POU6F2: variants seen among roughly 807,000 people sequenced by gnomAD.
POU6F2 encodes the protein POU class 6 homeobox 2.
POU6F2 carries 31 observed loss-of-function variants against 71.3 expected under a neutral mutation model. The observed-to-expected ratio is 0.43, with a 90% confidence interval of 0.33 to 0.59. The LOEUF (loss-of-function observed/expected upper bound fraction) is 0.59. POU6F2 is among the 20% of genes least tolerant of loss of function. POU6F2 has a pLI of 0.04. For synonymous variants in POU6F2, 347 were observed against 355.7 expected (o/e 0.98, Z 0.27); for missense variants, 783 against 856.8 (o/e 0.91, Z 1.07).
chr7:38,987,830 A>C (rs1788499955), intron 1 of POU6F2, among the ~76,000 whole-genome samples: 1 of 151,760 alleles, frequency 6.6e-6, no homozygotes, highest in African/African-American at 2.4e-5. Context: ...TTTGAATAAA[A>C]GATGGGAGTG....
At chr7:39,230,862 A>G (rs1176027760) in intron 4 of POU6F2, among the ~76,000 whole-genome samples, 1 of 152,272 alleles carries the variant, frequency 6.6e-6, no homozygotes, top group East Asian at 1.9e-4. Flanking sequence ...ATGCATCCCA[A>G]ATAGATTTGT....
intron 1 of POU6F2, chr7:39,006,797 A>C: frequency 6.3e-7 from 1 of 1,586,370 alleles, no homozygotes; most frequent in Non-Finnish European, 8.7e-7. Context: ...TTTGCTGTTT[A>C]CTGTCAAGAT....
At position 39,427,749 on chromosome 7, in the gene POU6F2, C is replaced by T. The variant is rs146199829; in HGVS notation, c.1114-5328C>T. On this transcript the variant is annotated intron_variant, in intron 6 of 9. Coordinates refer to ENST00000518318, the MANE Select transcript of POU6F2 (RefSeq NM_001370959.1). The stretch of plus-strand genomic sequence containing the variant: ...TTACAGCATTGATAGGTCTCCTTTT[C>T]TTACGTATATGGGCAACAAGATTAC... Among the ~76,000 whole-genome samples the T allele has an allele frequency of 1.4e-4, 21 of 152,322 alleles. No homozygotes were observed. In the East Asian group the frequency reaches 3.7e-3, roughly 27 times the overall value.
intron 4 of POU6F2, among the ~76,000 whole-genome samples, chr7:39,257,671 T>G (rs1260892050): frequency 1.3e-5 from 2 of 152,126 alleles, no homozygotes; most frequent in Non-Finnish European, 2.9e-5. Flanking sequence ...AGGCTTAGAA[T>G]GGAGCTTTCA....
chr7:39,372,434 T>C (rs1786633330), intron 5 of POU6F2, among the ~76,000 whole-genome samples: 1 of 152,198 alleles, frequency 6.6e-6, no homozygotes, highest in Admixed American at 6.5e-5. Context: ...TTCCTTATAA[T>C]GGAGGCTCTC....
At position 39,100,168 on chromosome 7, in the gene POU6F2, G is replaced by A. The variant is rs988047993; in HGVS notation, c.277+14137G>A. Among the ~76,000 whole-genome samples, 6 of 152,110 alleles carry A rather than the reference G, an allele frequency of 3.9e-5. No homozygotes were observed. In the South Asian group the frequency reaches 8.3e-4, roughly 21 times the overall value. ...GAATTTTCATAGCCAATGTTTAATT[G>A]GAATTTTCAGATCTTCAACAATGAA... On this transcript the variant is annotated intron_variant, in intron 2 of 9. Transcript: ENST00000518318.
chr7:39,097,896 C>T (rs768438192), intron 2 of POU6F2, among the ~76,000 whole-genome samples: 3 of 152,176 alleles, frequency 2.0e-5, no homozygotes, highest in Admixed American at 6.5e-5. Flanking sequence ...TTTAAGCCTT[C>T]GAAACCATAC....
intron 4 of POU6F2, among the ~76,000 whole-genome samples, chr7:39,339,250 A>G (rs1785856390): frequency 1.3e-5 from 2 of 152,196 alleles, no homozygotes; most frequent in Admixed American, 1.3e-4. Flanking sequence ...ACACTTACCA[A>G]AACAACTAAA....
chr7:39,039,501 C>A (rs930660877), intron 1 of POU6F2, among the ~76,000 whole-genome samples: 2 of 151,628 alleles, frequency 1.3e-5, no homozygotes, highest in African/African-American at 2.4e-5. Flanking sequence ...ATATTTTTTT[C>A]TTTACTCTCT....
intron 5 of POU6F2, chr7:39,373,774 A>C: frequency 3.2e-6 from 1 of 308,992 alleles, no homozygotes; most frequent in Non-Finnish European, 6.4e-6. Context: ...AGGTGTTGAG[A>C]GAGCAAAGGT....
chr7:39,337,527 A>G (rs574048740), intron 4 of POU6F2, among the ~76,000 whole-genome samples: 1 of 152,082 alleles, frequency 6.6e-6, no homozygotes, highest in Admixed American at 6.5e-5. Context: ...TAGTTCAAAT[A>G]TTAATACATC....
intron 2 of POU6F2, among the ~76,000 whole-genome samples, chr7:39,171,912 G>A: frequency 6.6e-6 from 1 of 152,182 alleles, no homozygotes; most frequent in East Asian, 1.9e-4. Context: ...TAAGGAGTAG[G>A]GCCATCAGGC....
chr7:39,169,081 G>C (rs1793167361), intron 2 of POU6F2, among the ~76,000 whole-genome samples: 1 of 152,178 alleles, frequency 6.6e-6, no homozygotes, highest in African/African-American at 2.4e-5. Flanking sequence ...TGTACATTTT[G>C]ATAGTATTCT....
At chr7:39,240,946 C>G (rs1009462664) in intron 4 of POU6F2, among the ~76,000 whole-genome samples, 21 of 152,200 alleles carry the variant, frequency 1.4e-4, no homozygotes, top group African/African-American at 5.1e-4. Flanking sequence ...ATTGGCTCAA[C>G]AGTGTCACTA....
chr7:39,231,365 GATA>G (rs1794570784), intron 4 of POU6F2, among the ~76,000 whole-genome samples: 1 of 152,080 alleles, frequency 6.6e-6, no homozygotes, highest in Non-Finnish European at 1.5e-5. Flanking sequence ...AAACAGCAAT[GATA>G]ATAGGTAGCA....
intron 2 of POU6F2, among the ~76,000 whole-genome samples, chr7:39,127,510 A>G (rs1240538396): frequency 6.6e-6 from 1 of 152,216 alleles, no homozygotes; most frequent in African/African-American, 2.4e-5. Flanking sequence ...CTGACATCCT[A>G]CTGGGGGAGA....
intron 4 of POU6F2, among the ~76,000 whole-genome samples, chr7:39,224,089 C>CT (rs1453066198): frequency 6.6e-6 from 1 of 152,132 alleles, no homozygotes; most frequent in African/African-American, 2.4e-5. Flanking sequence ...GCCCCATACT[C>CT]TAGCCACAAA....
intron 4 of POU6F2, among the ~76,000 whole-genome samples, chr7:39,329,784 T>G (rs1256611924): frequency 6.6e-6 from 1 of 152,176 alleles, no homozygotes; most frequent in East Asian, 1.9e-4. Flanking sequence ...AGCCCTTCTT[T>G]AAATCATTTG....
At chr7:39,385,265 G>A (rs1583565161) in intron 5 of POU6F2, among the ~76,000 whole-genome samples, 2 of 152,326 alleles carry the variant, frequency 1.3e-5, no homozygotes, top group East Asian at 1.9e-4. Flanking sequence ...AAGAGTATCT[G>A]TGTGTCACGA....
Sources: gnomAD v4.1 joint callset for allele counts (sites outside exome capture counted in the v4.1 genomes callset) on GRCh38, gnomAD v4.1.1 for gene constraint, MANE v1.5 for transcripts, NCBI Gene and HGNC (gene_info 2026-07-23, HGNC 2026-07-21) for gene names.